Variants in KIAA1671 observed in about 807,000 individuals in gnomAD.
The protein encoded by KIAA1671 is uncharacterized protein KIAA1671.
In KIAA1671, 52 loss-of-function variants were observed where a neutral mutation model predicts 131.2. The observed-to-expected ratio is 0.40, with a 90% CI of 0.32 to 0.50. The LOEUF (loss-of-function observed/expected upper bound fraction) is 0.50. Among genes scored for constraint, KIAA1671 ranks in the 20% least tolerant of loss-of-function variants. The pLI is 0.73. For missense variants in KIAA1671, 2,360 were observed against 2,364.2 expected (o/e 1.00, Z 0.04); for synonymous variants, 1,003 against 961.6 (o/e 1.04, Z -0.80).
intron 6 of KIAA1671, among the ~76,000 whole-genome samples, chr22:25,167,823 T>A (rs1201086476): frequency 1.3e-5 from 2 of 152,176 alleles, no homozygotes; most frequent in Non-Finnish European, 2.9e-5. Flanking sequence ...ATGGGGTACA[T>A]GAGTATCTCT....
chr22:25,081,424 T>C (rs1312301945), intron 6 of KIAA1671, among the ~76,000 whole-genome samples: 1 of 152,118 alleles, frequency 6.6e-6, no homozygotes, highest in Non-Finnish European at 1.5e-5. Flanking sequence ...CAAATGAGGA[T>C]TGTGTAAGCA....
In KIAA1671 at chr22:25,184,989, A is replaced by G. The variant is rs867031333; in HGVS notation, c.5212A>G (p.Lys1738Glu). ...DPAVLKAQLH[K>E]RPEVDSPGET... ...CTTTTCTCCCCAGGCTCAGCTGCAC[A>G]AGAGGCCAGAGGTGGACAGTCCTGG... Residue 1738 changes from lysine to glutamate, a missense_variant, in exon 11 of 13, where the codon AAG becomes GAG. By Grantham distance (56) the Lys-to-Glu change is moderately conservative. Transcript: ENST00000358431. 6.4e-7 allele frequency: 1 copy of G among 1,551,478 alleles called. No homozygotes were observed. Among genetic ancestry groups the G allele is most frequent in the African/African-American group, 1.4e-5 (1 of 73,028 alleles).
chr22:24,972,699 C>T (rs536165233), intron 1 of KIAA1671, among the ~76,000 whole-genome samples: 6 of 152,014 alleles, frequency 3.9e-5, no homozygotes, highest in Non-Finnish European at 8.8e-5. Context: ...TTCATCCATC[C>T]ATCCATCTCA....
chr22:25,125,945 G>A (rs1360890017), intron 6 of KIAA1671, among the ~76,000 whole-genome samples: 1 of 152,234 alleles, frequency 6.6e-6, no homozygotes, highest in Non-Finnish European at 1.5e-5. Flanking sequence ...AAGTCTGTCT[G>A]CTCTGATAAA....
intron 1 of KIAA1671, among the ~76,000 whole-genome samples, chr22:24,981,075 T>C (rs990477706): frequency 6.6e-6 from 1 of 151,468 alleles, no homozygotes. Context: ...TGTGTGTGTG[T>C]GTGTGTGTGT....
chr22:25,163,509 T>C (rs1391966990), intron 6 of KIAA1671, among the ~76,000 whole-genome samples: 2 of 146,640 alleles, frequency 1.4e-5, no homozygotes, highest in Non-Finnish European at 3.0e-5. Flanking sequence ...TGGTGCGATC[T>C]CTGCTCATTG....
At chr22:24,998,038 G>C (rs1417969634) in intron 1 of KIAA1671, among the ~76,000 whole-genome samples, 1 of 152,114 alleles carries the variant, frequency 6.6e-6, no homozygotes, top group Non-Finnish European at 1.5e-5. Context: ...TCTTGTTGCA[G>C]TACAAATATT....
intron 1 of KIAA1671, among the ~76,000 whole-genome samples, chr22:25,000,456 G>A (rs113553040): frequency 1.1e-5 from 1 of 94,502 alleles, no homozygotes; most frequent in African/African-American, 3.9e-5. Context: ...GCCTCCCAAA[G>A]TGCTGGGATT....
intron 12 of KIAA1671, among the ~76,000 whole-genome samples, chr22:25,191,298 G>C (rs879521637): frequency 6.6e-6 from 1 of 152,012 alleles, no homozygotes; most frequent in Non-Finnish European, 1.5e-5. Context: ...TGGAATTACA[G>C]GTGCCTGCCA....
At position 25,195,693 on chromosome 22, in the gene KIAA1671, C is replaced by T. The variant is rs780411063; in HGVS notation, c.*3292C>T. The T allele has an allele frequency of 1.3e-5, 2 of 152,194 alleles. No individual in the cohort carries two copies. The highest frequency in any genetic ancestry group is 2.9e-5 in the Non-Finnish European group (2 of 68,026). The allele number at this position is 152,194 out of a possible 1,614,324, so 9.4% of individuals were successfully genotyped here. On this transcript the variant is annotated 3_prime_UTR_variant, in exon 13 of 13. Coordinates refer to ENST00000358431, the MANE Select transcript of KIAA1671 (RefSeq NM_001145206.2). ...TTCCTAAAAGAGACCTTAGCTGCTCCAACCTGGTGCTGATAGCTGCTTTGT... is the reference window on the plus strand; with the variant it reads ...TTCCTAAAAGAGACCTTAGCTGCTCTAACCTGGTGCTGATAGCTGCTTTGT...
chr22:24,980,027 C>T (rs1378934354), intron 1 of KIAA1671, among the ~76,000 whole-genome samples: 2 of 149,910 alleles, frequency 1.3e-5, no homozygotes, highest in African/African-American at 4.9e-5. Flanking sequence ...TGCAGTGGTG[C>T]GATCTTAGCT....
At chr22:25,149,602 C>T (rs373872073) in intron 6 of KIAA1671, among the ~76,000 whole-genome samples, 14 of 152,008 alleles carry the variant, frequency 9.2e-5, no homozygotes, top group African/African-American at 3.1e-4. Context: ...CCTGGAAGAC[C>T]CCCCACTTTT....
chr22:24,974,168 C>A (rs1161996496), intron 1 of KIAA1671, among the ~76,000 whole-genome samples: 3 of 152,104 alleles, frequency 2.0e-5, no homozygotes, highest in Non-Finnish European at 2.9e-5. Context: ...TTGGGTGAGG[C>A]CTCTCAGCTG....
At position 25,070,262 on chromosome 22, in the gene KIAA1671, G is replaced by A. The variant is rs16979520; in HGVS notation, c.4530+20898G>A. The A allele has an allele frequency of 1.1e-3, 470 of 411,118 alleles. 2 individuals carry two copies. The highest frequency in any genetic ancestry group is 8.7e-3 in the African/African-American group (425 of 48,804). 25.5% of individuals were successfully genotyped at this position (411,118 alleles called of 1,614,324 possible). Reference sequence around the variant, plus strand: ...AGCCGGCTTCTGAATGATTTATGCCGCCTTGAACTTGACTCCAGCGTGACA... The same window carrying A: ...AGCCGGCTTCTGAATGATTTATGCCACCTTGAACTTGACTCCAGCGTGACA... On this transcript the variant is annotated intron_variant, in intron 6 of 12. Transcript: ENST00000358431.
chr22:25,105,788 C>G (rs1930967685), intron 6 of KIAA1671, among the ~76,000 whole-genome samples: 1 of 145,938 alleles, frequency 6.9e-6, no homozygotes, highest in African/African-American at 2.5e-5. Flanking sequence ...TGGTGAGGGC[C>G]AGGATATATA....
At chr22:25,115,786 A>G (rs746770011) in intron 6 of KIAA1671, among the ~76,000 whole-genome samples, 9 of 152,108 alleles carry the variant, frequency 5.9e-5, no homozygotes, top group Non-Finnish European at 1.3e-4. Context: ...ATTTTTATTT[A>G]TTTATTTAGA....
intron 1 of KIAA1671, among the ~76,000 whole-genome samples, chr22:25,019,849 A>G (rs1243317001): frequency 6.6e-6 from 1 of 152,022 alleles, no homozygotes; most frequent in Non-Finnish European, 1.5e-5. Flanking sequence ...TTGTGATGTG[A>G]TGGGATTTTT....
intron 1 of KIAA1671, among the ~76,000 whole-genome samples, chr22:24,957,492 C>G (rs892032610): frequency 6.6e-6 from 1 of 152,136 alleles, no homozygotes; most frequent in South Asian, 2.1e-4. Context: ...CAGGAGTTCA[C>G]TCTCCTTCTT....
Position 25,028,109 on chromosome 22 carries a change from G to A in KIAA1671, c.110G>A (p.Gly37Asp). The A allele has an allele frequency of 6.4e-7, 1 of 1,551,322 alleles. No homozygotes were observed. Among genetic ancestry groups the A allele is most frequent in the South Asian group, 1.2e-5 (1 of 84,018 alleles). Residue 37 changes from glycine (G) to aspartate (D), a missense_variant, in exon 3 of 13, where the codon GGC becomes GAC. Physicochemically the swap from Gly to Asp is moderately conservative, Grantham distance 94 (BLOSUM62 -1). Transcript: ENST00000358431. ...TLTRTYFLQA[G>D]EASGAPPARI... ...ACGAGGACCTACTTCCTCCAGGCCG[G>A]CGAAGCCTCTGGGGCTCCCCCAGCC...
Sources: gnomAD v4.1 joint callset for allele counts (sites outside exome capture counted in the v4.1 genomes callset) on GRCh38, gnomAD v4.1.1 for gene constraint, MANE v1.5 for transcripts, NCBI Gene and HGNC (gene_info 2026-07-23, HGNC 2026-07-21) for gene names.